Variants in B3GALT1 observed in about 807,000 individuals in gnomAD.
The protein encoded by B3GALT1 is beta-1,3-galactosyltransferase 1.
B3GALT1 carries 10 observed loss-of-function variants against 23.2 expected under a neutral mutation model. The observed-to-expected ratio is 0.43, with a 90% CI of 0.27 to 0.73. B3GALT1 has a LOEUF of 0.73. Among genes scored for constraint, B3GALT1 ranks in the 30% least tolerant of loss-of-function variants. The pLI is 0.21. For missense variants in B3GALT1, 299 were observed against 405.4 expected (o/e 0.74, Z 2.25); for synonymous variants, 156 against 141.5 (o/e 1.10, Z -0.73).
chr2:167,671,859 A>G (rs1298560612), intron 3 of B3GALT1, among the ~76,000 whole-genome samples: 8 of 151,986 alleles, frequency 5.3e-5, no homozygotes, highest in African/African-American at 1.9e-4. Context: ...GGTTTTTTGA[A>G]AAGATTGACA....
At chr2:167,301,419 C>T (rs995619105) in intron 1 of B3GALT1, among the ~76,000 whole-genome samples, 5 of 152,176 alleles carry the variant, frequency 3.3e-5, no homozygotes, top group Non-Finnish European at 7.3e-5. Context: ...TTTCTGTGTG[C>T]TTCAGGCTCA....
chr2:167,392,491 A>C (rs1034567293), intron 1 of B3GALT1, among the ~76,000 whole-genome samples: 1 of 152,146 alleles, frequency 6.6e-6, no homozygotes, highest in African/African-American at 2.4e-5. Context: ...TATAGTCTCA[A>C]TTGTAATGGC....
intron 2 of B3GALT1, among the ~76,000 whole-genome samples, chr2:167,497,107 G>A (rs1165953525): frequency 6.6e-6 from 1 of 152,074 alleles, no homozygotes; most frequent in East Asian, 1.9e-4. Context: ...ATGATATTTT[G>A]TTATAATAGC....
At chr2:167,600,494 A>C (rs1393271389) in intron 2 of B3GALT1, among the ~76,000 whole-genome samples, 2 of 152,144 alleles carry the variant, frequency 1.3e-5, no homozygotes, top group South Asian at 4.1e-4. Context: ...TCATCACCTC[A>C]AAAAAGAAAC....
chr2:167,718,983 C>T (rs752940231), intron 3 of B3GALT1, among the ~76,000 whole-genome samples: 5 of 152,070 alleles, frequency 3.3e-5, no homozygotes, highest in Admixed American at 2.6e-4. Flanking sequence ...GGAATTCTAG[C>T]GTACAATTTA....
rs1574113883 is a variant in B3GALT1, at chr2:167,516,175, C to T, written c.-410+25898C>T. Among the ~76,000 whole-genome samples, 3 of 152,148 alleles carry T rather than the reference C, an allele frequency of 2.0e-5. No homozygotes were observed. The South Asian group carries it at 6.2e-4, about 32-fold the overall frequency. On this transcript the variant is annotated intron_variant, in intron 2 of 4. Coordinates refer to ENST00000392690, the MANE Select transcript of B3GALT1 (RefSeq NM_020981.4). ...ATTCTGTTAGAAATGCTGCAAATTTCAACATAATTTTTTTTCTGCTAAGAG... is the reference window on the plus strand; with the variant it reads ...ATTCTGTTAGAAATGCTGCAAATTTTAACATAATTTTTTTTCTGCTAAGAG...
At chr2:167,509,272 T>C (rs2105352966) in intron 2 of B3GALT1, among the ~76,000 whole-genome samples, 1 of 152,318 alleles carries the variant, frequency 6.6e-6, no homozygotes, top group African/African-American at 2.4e-5. Context: ...TTGACCCTCA[T>C]GCATAGTAAA....
rs117501966 is a variant in B3GALT1, at chr2:167,338,951, T to C, written c.-511+45617T>C. 6.4e-3 allele frequency among the ~76,000 whole-genome samples: 972 copies of C among 152,258 alleles called. 45 individuals are homozygous for C. The East Asian group carries it at 0.13, about 21-fold the overall frequency. On this transcript the variant is annotated intron_variant, in intron 1 of 4. Transcript: ENST00000392690. ...GTCAGTATAATTAGATTGGCGAAAT[T>C]ACAGAGGCTGATTAATCTTAGTATT...
At chr2:167,307,141 A>G (rs921175972) in intron 1 of B3GALT1, among the ~76,000 whole-genome samples, 3 of 152,060 alleles carry the variant, frequency 2.0e-5, no homozygotes, top group African/African-American at 7.2e-5. Context: ...TGGTAGTGGT[A>G]TATGTTCAAA....
At chr2:167,536,229 A>G (rs1431880131) in intron 2 of B3GALT1, among the ~76,000 whole-genome samples, 3 of 152,112 alleles carry the variant, frequency 2.0e-5, no homozygotes, top group African/African-American at 7.2e-5. Context: ...TAGATATTGC[A>G]GTCCATGCCA....
chr2:167,638,748 A>G (rs941128537), intron 2 of B3GALT1, among the ~76,000 whole-genome samples: 1 of 152,032 alleles, frequency 6.6e-6, no homozygotes, highest in African/African-American at 2.4e-5. Context: ...TATTCATGGT[A>G]AATAAGAAAA....
intron 2 of B3GALT1, among the ~76,000 whole-genome samples, chr2:167,615,917 T>C (rs533745775): frequency 6.6e-6 from 1 of 152,148 alleles, no homozygotes; most frequent in Non-Finnish European, 1.5e-5. Flanking sequence ...TTCTAAGTGG[T>C]GAAGCCAGAA....
chr2:167,448,233 C>G (rs772226295), intron 1 of B3GALT1, among the ~76,000 whole-genome samples: 17 of 152,126 alleles, frequency 1.1e-4, no homozygotes, highest in Non-Finnish European at 1.8e-4. Flanking sequence ...AGTTTACATT[C>G]CTACCAGCAG....
chr2:167,716,056 G>C, intron 3 of B3GALT1: 1 of 1,592,650 alleles, frequency 6.3e-7, no homozygotes, highest in Admixed American at 1.7e-5. Flanking sequence ...GTAGCGCCGG[G>C]CTCCTCCATA....
At chr2:167,437,221 G>A (rs1698800762) in intron 1 of B3GALT1, among the ~76,000 whole-genome samples, 1 of 152,200 alleles carries the variant, frequency 6.6e-6, no homozygotes, top group Non-Finnish European at 1.5e-5. Context: ...GTAAGTGTGT[G>A]TTGTGGTCTG....
In B3GALT1 at chr2:167,476,255, T is replaced by C. The variant is rs75562730; in HGVS notation, c.-510-13922T>C. ...GTTTGCTTCTGCTGTAGACAGTGCT[T>C]AGCATTCAAAAAAGCAGCTCTAGGT... On this transcript the variant is annotated intron_variant, in intron 1 of 4. Coordinates refer to ENST00000392690, the MANE Select transcript of B3GALT1 (RefSeq NM_020981.4). Among the ~76,000 whole-genome samples the C allele has an allele frequency of 3.2e-3, 491 of 152,304 alleles. 16 individuals are homozygous for C. The East Asian group carries it at 0.077, about 24-fold the overall frequency.
At chr2:167,437,290 C>G (rs990407178) in intron 1 of B3GALT1, among the ~76,000 whole-genome samples, 2 of 152,144 alleles carry the variant, frequency 1.3e-5, no homozygotes, top group Non-Finnish European at 2.9e-5. Context: ...GTATGTTATT[C>G]GCTAGTTTTT....
chr2:167,587,466 A>G (rs1684602274), intron 2 of B3GALT1, among the ~76,000 whole-genome samples: 1 of 152,214 alleles, frequency 6.6e-6, no homozygotes, highest in Non-Finnish European at 1.5e-5. Context: ...AGGCACAGAG[A>G]ATAGGTTAGA....
chr2:167,390,078 A>G (rs1444459836), intron 1 of B3GALT1, among the ~76,000 whole-genome samples: 2 of 152,116 alleles, frequency 1.3e-5, no homozygotes, highest in African/African-American at 4.8e-5. Context: ...GAAAGAGGAG[A>G]AAATCTCAGC....
Sources: allele counts gnomAD v4.1 joint callset (sites outside exome capture counted in the v4.1 genomes callset), GRCh38; gene constraint gnomAD v4.1.1; transcripts MANE v1.5; gene names NCBI Gene and HGNC (gene_info 2026-07-23, HGNC 2026-07-21).